The following DNAJB14 variants were observed in gnomAD, a reference collection of about 807,000 sequenced individuals.
DNAJB14 encodes the protein dnaJ homolog subfamily B member 14.
DNAJB14 carries 22 observed loss-of-function variants against 48.4 expected under a neutral mutation model. The observed-to-expected ratio is 0.45, with a 90% CI of 0.32 to 0.65. The LOEUF (loss-of-function observed/expected upper bound fraction) is 0.65, where lower values mean the gene tolerates loss of function less well. Ranked by LOEUF, DNAJB14 falls within the 30% of genes least tolerant of loss-of-function variation. DNAJB14 has a pLI of 0.03. For missense variants in DNAJB14, 319 were observed against 458.8 expected (o/e 0.70, Z 2.78); for synonymous variants, 142 against 158.7 (o/e 0.89, Z 0.79).
Position 99,898,453 on chromosome 4 carries a change from A to G in DNAJB14, c.*2575T>C, listed in dbSNP as rs1725195016. 1.3e-5 allele frequency: 2 copies of G among 152,124 alleles called. No individual in the cohort carries two copies. The highest frequency in any genetic ancestry group is 4.8e-5 in the African/African-American group (2 of 41,566). 9.4% of individuals were successfully genotyped at this position (152,124 alleles called of 1,614,324 possible). ...TTAATCAAACTACATTTCGAAATTTACAGATGACTAAATGACTAGCACCAG... is the reference window on the plus strand; with the variant it reads ...TTAATCAAACTACATTTCGAAATTTGCAGATGACTAAATGACTAGCACCAG... On this transcript the variant is annotated 3_prime_UTR_variant, in exon 8 of 8. Transcript: ENST00000442697.
intron 3 of DNAJB14, chr4:99,922,794 C>T (rs1445797720): frequency 2.9e-6 from 1 of 341,298 alleles, no homozygotes; most frequent in African/African-American, 2.1e-5. Flanking sequence ...AGAAAGCATG[C>T]ATATGTGCCT....
intron 5 of DNAJB14, chr4:99,906,199 T>G: frequency 1.5e-6 from 2 of 1,341,568 alleles, no homozygotes; most frequent in Non-Finnish European, 1.9e-6. Flanking sequence ...GAAAGTTACC[T>G]CCAATTCAAG....
chr4:99,938,820 A>G (rs1239022616), intron 1 of DNAJB14, among the ~76,000 whole-genome samples: 1 of 152,158 alleles, frequency 6.6e-6, no homozygotes, highest in Non-Finnish European at 1.5e-5. Flanking sequence ...CCCACTAACC[A>G]AAAACCTAAA....
chr4:99,902,573 C>T (rs952163882), intron 7 of DNAJB14, among the ~76,000 whole-genome samples: 1 of 152,162 alleles, frequency 6.6e-6, no homozygotes, highest in African/African-American at 2.4e-5. Flanking sequence ...AGGTTAAGGA[C>T]TCTCTTAGAA....
rs148309746 is a variant in DNAJB14, at chr4:99,930,527, A to G, written c.228T>C (p.Asn76=). ...TACCAGATGTGCTGTCCTTTGTGCA[A>G]TTAGGCTTGCTTTGATCGCCACTAC... The part of the protein sequence containing the change: ...PSGSGDQSKP[N]CTKDSTSGSG... The change falls in exon 2 of 8, where the codon AAT becomes AAC. Residue 76 remains asparagine (N), a synonymous_variant. Transcript: ENST00000442697. 1.1e-5 allele frequency: 18 copies of G among 1,613,282 alleles called. No homozygotes were observed. The highest frequency in any genetic ancestry group is 9.3e-5 in the African/African-American group (7 of 74,914).
chr4:99,924,763 G>A, intron 2 of DNAJB14: 1 of 1,611,654 alleles, frequency 6.2e-7, no homozygotes, highest in Non-Finnish European at 8.5e-7. Flanking sequence ...TACCTACTGT[G>A]TGTTAGGTAC....
At chr4:99,907,554 A>C (rs1393961659) in intron 4 of DNAJB14, among the ~76,000 whole-genome samples, 1 of 152,060 alleles carries the variant, frequency 6.6e-6, no homozygotes, top group African/African-American at 2.4e-5. Context: ...GGTACATGTC[A>C]GTAGTACCAG....
intron 1 of DNAJB14, among the ~76,000 whole-genome samples, chr4:99,938,097 CAAAAAAAAAAAAAAAAAAA>C (rs59597113): frequency 7.3e-5 from 3 of 40,972 alleles, no homozygotes; most frequent in Non-Finnish European, 9.6e-5. Context: ...GTTAAAAATA[CAAAAAAAAAAAAAAAAAAA>C]AAAAAAAAAA....
rs759530758 is a variant in DNAJB14 at position 99,903,841 on chromosome 4, G to T, written c.900C>A (p.Val300=). The T allele has an allele frequency of 5.0e-6, 8 of 1,612,414 alleles. No individual in the cohort carries two copies. The highest frequency in any genetic ancestry group is 6.8e-6 in the Non-Finnish European group (8 of 1,179,306). ...TATATTCATTTTTGAAGTCCTTGTTGACATAATAAACAACACCCAAGTTTT... is the reference window on the plus strand; with the variant it reads ...TATATTCATTTTTGAAGTCCTTGTTTACATAATAAACAACACCCAAGTTTT... The part of the protein sequence containing the change: ...QTENLGVVYY[V]NKDFKNEYKG... The change falls in exon 7 of 8, where the codon GTC becomes GTA. Residue 300 remains valine, a synonymous_variant. Transcript: ENST00000442697.
intron 1 of DNAJB14, among the ~76,000 whole-genome samples, chr4:99,940,821 C>T (rs1307244145): frequency 6.6e-6 from 1 of 151,936 alleles, no homozygotes; most frequent in Non-Finnish European, 1.5e-5. Context: ...TAGCAATAAA[C>T]ACAGGTCCAT....
At position 99,908,817 on chromosome 4, in the gene DNAJB14, T is replaced by C. The variant is rs374817117; in HGVS notation, c.531A>G (p.Ala177=). The C allele has an allele frequency of 1.2e-6, 2 of 1,612,100 alleles. No homozygotes were observed. Among genetic ancestry groups the C allele is most frequent in the African/African-American group, 2.7e-5 (2 of 74,848 alleles). ...QYDLTGNEEQ[A]CNHQNNGRFN... ...ATCTGCCATTGTTTTGGTGGTTACA[T>C]GCTTGTTCTTCATTGCCCGTGAGGT... Residue 177 remains alanine, a synonymous_variant, in exon 4 of 8, where the codon GCA becomes GCG. Coordinates refer to ENST00000442697, the MANE Select transcript of DNAJB14 (RefSeq NM_001031723.4).
chr4:99,945,544 G>A (rs1239865726), intron 1 of DNAJB14, among the ~76,000 whole-genome samples: 6 of 152,172 alleles, frequency 3.9e-5, no homozygotes, highest in African/African-American at 1.4e-4. Flanking sequence ...GTGACCTTGG[G>A]TAAGATACTT....
At chr4:99,927,644 G>A (rs758358676) in intron 2 of DNAJB14, 29 of 151,912 alleles carry the variant, frequency 1.9e-4, no homozygotes, top group African/African-American at 4.6e-4. Context: ...AAAACAAATC[G>A]CCAAGTTTAA....
intron 1 of DNAJB14, among the ~76,000 whole-genome samples, chr4:99,936,190 A>G (rs1726668094): frequency 6.6e-6 from 1 of 152,258 alleles, no homozygotes; most frequent in Admixed American, 6.5e-5. Flanking sequence ...GCTCGATTTT[A>G]TGTAATGAAG....
chr4:99,919,760 C>T (rs753994215), intron 3 of DNAJB14, among the ~76,000 whole-genome samples: 1 of 152,046 alleles, frequency 6.6e-6, no homozygotes, highest in Non-Finnish European at 1.5e-5. Flanking sequence ...CAGTTGTACT[C>T]ATTGGGAGAA....
At chr4:99,937,015 A>C (rs974575854) in intron 1 of DNAJB14, among the ~76,000 whole-genome samples, 1 of 152,242 alleles carries the variant, frequency 6.6e-6, no homozygotes, top group African/African-American at 2.4e-5. Context: ...TATTTATTAC[A>C]AAGAAGAAAA....
At chr4:99,938,474 A>G (rs1213483130) in intron 1 of DNAJB14, among the ~76,000 whole-genome samples, 1 of 151,970 alleles carries the variant, frequency 6.6e-6, no homozygotes, top group Non-Finnish European at 1.5e-5. Flanking sequence ...CTTGTCTTAG[A>G]AAATGTATGC....
chr4:99,907,074 A>C (rs1480308011), intron 4 of DNAJB14, among the ~76,000 whole-genome samples: 2 of 152,116 alleles, frequency 1.3e-5, no homozygotes, highest in Non-Finnish European at 2.9e-5. Context: ...TTATTCAAAC[A>C]CTCTCTTGCT....
At chr4:99,946,307 G>T in intron 1 of DNAJB14, 132 bp downstream of exon 1, 2 of 1,389,130 alleles carry the variant, frequency 1.4e-6, no homozygotes, top group Admixed American at 2.0e-5. Context: ...TCCCCACCGG[G>T]CCTGGGGCTG....
Sources: allele counts gnomAD v4.1 joint callset (sites outside exome capture counted in the v4.1 genomes callset), GRCh38; gene constraint gnomAD v4.1.1; transcripts MANE v1.5; gene names NCBI Gene and HGNC (gene_info 2026-07-23, HGNC 2026-07-21).